The following ARL15 variants were observed in gnomAD, a reference collection of about 807,000 sequenced individuals.
The protein encoded by ARL15 is ADP-ribosylation factor-like protein 15.
Under a neutral mutation model 25.2 loss-of-function variants are expected in ARL15, and 19 were observed. The observed-to-expected ratio is 0.75, with a 90% confidence interval of 0.53 to 1.10. ARL15 has a LOEUF of 1.10. Among genes scored for constraint, ARL15 ranks in the 50% least tolerant of loss-of-function variants. The pLI, the probability that ARL15 is intolerant of heterozygous loss-of-function variation, is 0.00. For synonymous variants in ARL15, 94 were observed against 86.8 expected (o/e 1.08, Z -0.46); for missense variants, 220 against 246.0 (o/e 0.89, Z 0.71).
chr5:53,983,527 G>T (rs1375821058), intron 4 of ARL15, among the ~76,000 whole-genome samples: 2 of 152,188 alleles, frequency 1.3e-5, no homozygotes, highest in African/African-American at 4.8e-5. Flanking sequence ...CAATGCCAGA[G>T]AAGGTGCACT....
At chr5:54,207,536 T>C (rs1755904246) in intron 1 of ARL15, among the ~76,000 whole-genome samples, 1 of 152,220 alleles carries the variant, frequency 6.6e-6, no homozygotes, top group African/African-American at 2.4e-5. Flanking sequence ...GTCATTTAGT[T>C]CCACTTTCTC....
intron 4 of ARL15, among the ~76,000 whole-genome samples, chr5:54,105,694 T>G (rs537362978): frequency 6.6e-6 from 1 of 152,260 alleles, no homozygotes; most frequent in South Asian, 2.1e-4. Flanking sequence ...GCAATTCTCC[T>G]GCCTCAGCCT....
chr5:53,956,305 C>G (rs1333698934), intron 4 of ARL15, among the ~76,000 whole-genome samples: 2 of 151,566 alleles, frequency 1.3e-5, no homozygotes, highest in Non-Finnish European at 2.9e-5. Flanking sequence ...TTACAGCAAA[C>G]AACAACAACA....
Position 53,967,120 on chromosome 5 carries a change from A to G in ARL15, c.463-80407T>C, listed in dbSNP as rs543253720. On this transcript the variant is annotated intron_variant, in intron 4 of 4. Transcript: ENST00000504924. ...AAAATAGACATACATATTGGAATGG[A>G]AAAATCTGCAATAATATAGACAAAT... is the stretch of plus-strand genomic sequence containing the variant. Among the ~76,000 whole-genome samples the G allele has an allele frequency of 2.0e-3, 311 of 152,352 alleles. 1 individual carries two copies. Among genetic ancestry groups the G allele is most frequent in the African/African-American group, 7.1e-3 (296 of 41,580 alleles).
chr5:53,963,852 C>A (rs141318554), intron 4 of ARL15, among the ~76,000 whole-genome samples: 8,792 of 149,888 alleles, frequency 0.059, 273 homozygotes, highest in Middle Eastern at 0.12. Context: ...CACACACATA[C>A]ACAGAGTAAC....
intron 4 of ARL15, among the ~76,000 whole-genome samples, chr5:54,059,394 T>G (rs530491673): frequency 6.6e-6 from 1 of 152,192 alleles, no homozygotes; most frequent in South Asian, 2.1e-4. Flanking sequence ...TCCTCTGGTG[T>G]TTTTCCGATT....
At chr5:53,886,900 G>T (rs1170248059) in intron 4 of ARL15, among the ~76,000 whole-genome samples, 187 bp from the exon 5 acceptor site, 2 of 152,106 alleles carry the variant, frequency 1.3e-5, no homozygotes, top group African/African-American at 4.8e-5. Flanking sequence ...ATTGTGACCT[G>T]GGAGTGTTTT....
chr5:54,158,867 T>C (rs1445201838), intron 2 of ARL15, among the ~76,000 whole-genome samples: 2 of 152,040 alleles, frequency 1.3e-5, no homozygotes, highest in East Asian at 1.9e-4. Flanking sequence ...AGCAAGACTC[T>C]GTCTCAAAAA....
At chr5:54,277,457 A>C (rs758386455) in intron 1 of ARL15, among the ~76,000 whole-genome samples, 1 of 152,226 alleles carries the variant, frequency 6.6e-6, no homozygotes, top group Non-Finnish European at 1.5e-5. Context: ...AAACGCGTTC[A>C]ATAATTTCTG....
At chr5:53,966,070 G>T (rs1747553740) in intron 4 of ARL15, among the ~76,000 whole-genome samples, 1 of 152,104 alleles carries the variant, frequency 6.6e-6, no homozygotes, top group African/African-American at 2.4e-5. Flanking sequence ...AATGTTGACT[G>T]CTAACTTTAG....
chr5:54,273,922 T>C (rs1757855349), intron 1 of ARL15, among the ~76,000 whole-genome samples: 1 of 152,108 alleles, frequency 6.6e-6, no homozygotes, highest in Admixed American at 6.5e-5. Context: ...GACCAGGCAA[T>C]TCTAAGATAG....
At chr5:54,170,652 C>G (rs1013081475) in intron 2 of ARL15, among the ~76,000 whole-genome samples, 1 of 152,118 alleles carries the variant, frequency 6.6e-6, no homozygotes, top group Admixed American at 6.6e-5. Flanking sequence ...CACCTTATTT[C>G]TTGTACCAGA....
rs542725701 is a variant in ARL15 at position 54,005,545 on chromosome 5, C to T, written c.462+107657G>A. On this transcript the variant is annotated intron_variant, in intron 4 of 4. Coordinates refer to ENST00000504924, the MANE Select transcript of ARL15 (RefSeq NM_019087.3). ...AGGAGTTCAAGACTACCCTGGCCAACGTGGTGAAACTCCGTCTCTACTAAA... is the reference window on the plus strand; with the variant it reads ...AGGAGTTCAAGACTACCCTGGCCAATGTGGTGAAACTCCGTCTCTACTAAA... Among the ~76,000 whole-genome samples, 5 of 151,996 alleles carry T rather than the reference C, an allele frequency of 3.3e-5. 1 individual carries two copies. In the South Asian group the frequency reaches 6.2e-4, roughly 19 times the overall value.
chr5:54,140,868 T>C (rs1419412190), intron 3 of ARL15, among the ~76,000 whole-genome samples: 2 of 152,184 alleles, frequency 1.3e-5, no homozygotes, highest in South Asian at 4.1e-4. Context: ...AAACACAAAC[T>C]GTCTAGATAG....
chr5:53,925,199 TA>T (rs1745980000), intron 4 of ARL15, among the ~76,000 whole-genome samples: 1 of 123,990 alleles, frequency 8.1e-6, no homozygotes, highest in Non-Finnish European at 1.7e-5. Flanking sequence ...TCTATTTTTA[TA>T]ATTTTTTTTT....
At chr5:54,174,585 T>C (rs1230364058) in intron 1 of ARL15, among the ~76,000 whole-genome samples, 1 of 152,162 alleles carries the variant, frequency 6.6e-6, no homozygotes, top group African/African-American at 2.4e-5. Flanking sequence ...CTTCATCCTA[T>C]GAGATGTTCT....
At chr5:53,886,783 A>C (rs894647360) in intron 4 of ARL15, 70 bp from the exon 5 acceptor site, 9 of 1,412,622 alleles carry the variant, frequency 6.4e-6, no homozygotes, top group African/African-American at 1.5e-5. Context: ...CAAAATTCTG[A>C]GGGATAAAGT....
chr5:53,996,618 TAAAAAAA>T (rs529752025), intron 4 of ARL15, among the ~76,000 whole-genome samples: 18 of 98,882 alleles, frequency 1.8e-4, no homozygotes, highest in South Asian at 1.3e-3. Flanking sequence ...GACTGTCTCA[TAAAAAAA>T]AAAAAAAAAA....
chr5:54,217,629 A>G (rs983104413), intron 1 of ARL15, among the ~76,000 whole-genome samples: 9 of 152,182 alleles, frequency 5.9e-5, no homozygotes, highest in African/African-American at 1.9e-4. Flanking sequence ...CAAGGCATAC[A>G]TGTAGACCTG....
Sources: allele counts gnomAD v4.1 joint callset (sites outside exome capture counted in the v4.1 genomes callset), GRCh38; gene constraint gnomAD v4.1.1; transcripts MANE v1.5; gene names NCBI Gene and HGNC (gene_info 2026-07-23, HGNC 2026-07-21).